The following USP8 variants were observed in gnomAD, a reference collection of about 807,000 sequenced individuals.
USP8 encodes ubiquitin specific peptidase 8, also known as ubiquitin carboxyl-terminal hydrolase 8.
A neutral mutation model predicts 130.0 loss-of-function variants in USP8; 27 were observed. The ratio of observed to expected loss-of-function variants is 0.21; its 90% CI spans 0.15 to 0.29. USP8 has a LOEUF of 0.29. USP8 is among the 10% of genes least tolerant of loss of function. The pLI is 1.00. For missense variants in USP8, 1,029 were observed against 1,312.2 expected (o/e 0.78, Z 3.33); for synonymous variants, 392 against 444.1 (o/e 0.88, Z 1.48).
At chr15:50,437,607 C>G (rs2050128479) in intron 1 of USP8, among the ~76,000 whole-genome samples, 1 of 152,200 alleles carries the variant, frequency 6.6e-6, no homozygotes, top group South Asian at 2.1e-4. Context: ...CCTACTGTTG[C>G]AAGCTAAGTC....
At chr15:50,484,394 A>G in intron 12 of USP8, 33 bp downstream of exon 12, 2 of 1,528,352 alleles carry the variant, frequency 1.3e-6, no homozygotes, top group Non-Finnish European at 1.8e-6. Context: ...AAACTGGAAA[A>G]AAAAGCCAAA....
In USP8 at chr15:50,499,963, A is replaced by G. The variant is rs1475904285; in HGVS notation, c.*875A>G. 6.6e-6 allele frequency: 1 copy of G among 152,160 alleles called. No individual in the cohort carries two copies. Among genetic ancestry groups the G allele is most frequent in the Admixed American group, 6.6e-5 (1 of 15,264 alleles). The allele number at this position is 152,160 out of a possible 1,614,324, so 9.4% of individuals were successfully genotyped here. A position where few individuals can be genotyped will look rare whatever the true frequency, so the allele number is the denominator to read the frequency against. On this transcript the variant is annotated 3_prime_UTR_variant, in exon 20 of 20. Transcript: ENST00000307179. ...GTAAAAATGCCGGGAGTCAGGCATG[A>G]TTGCAAAGTGAACTGCATTATAAAC... is the stretch of plus-strand genomic sequence containing the variant.
chr15:50,501,480 G>T lies in USP8; in HGVS notation c.*2392G>T, dbSNP rs775355168. On this transcript the variant is annotated 3_prime_UTR_variant, in exon 20 of 20. Transcript: ENST00000307179. ...CAGAGTGAGACCCTGTCTTAAAATTGTAAGTTCATTTACGTAAGATGGCTT... is the reference window on the plus strand; with the variant it reads ...CAGAGTGAGACCCTGTCTTAAAATTTTAAGTTCATTTACGTAAGATGGCTT... 6.6e-6 allele frequency: 1 copy of T among 151,178 alleles called. No homozygotes were observed. The highest frequency in any genetic ancestry group is 2.1e-4 in the South Asian group (1 of 4,766). The allele number at this position is 151,178 out of a possible 1,614,324, so 9.4% of individuals were successfully genotyped here. A position where few individuals can be genotyped will look rare whatever the true frequency, so the allele number is the denominator to read the frequency against.
chr15:50,458,890 A>G lies in USP8; in HGVS notation c.336-110A>G, dbSNP rs1440101613. ...GAATTGTGGTGGAGGGAGAAAGCAT[A>G]TAGCCATGAAATACCTCAAGGCAGG... On this transcript the variant is annotated intron_variant, in intron 4 of 19. Coordinates refer to ENST00000307179, the MANE Select transcript of USP8 (RefSeq NM_005154.5). 14 of 1,291,162 alleles carry G rather than the reference A, an allele frequency of 1.1e-5. No individual in the cohort carries two copies. In the East Asian group the frequency reaches 2.6e-4, roughly 24 times the overall value. The allele number at this position is 1,291,162 out of a possible 1,614,324, so 80.0% of individuals were successfully genotyped here.
intron 4 of USP8, among the ~76,000 whole-genome samples, chr15:50,456,457 C>T (rs1294907369): frequency 6.6e-6 from 1 of 151,676 alleles, no homozygotes; most frequent in Non-Finnish European, 1.5e-5. Flanking sequence ...CTTGTCATCC[C>T]AGCCACTCGA....
intron 10 of USP8, among the ~76,000 whole-genome samples, chr15:50,479,662 A>T (rs1399788938): frequency 6.6e-6 from 1 of 152,140 alleles, no homozygotes; most frequent in Non-Finnish European, 1.5e-5. Context: ...TTATTCTCAA[A>T]TACATGCAAA....
chr15:50,505,068 G>C lies in USP8; in HGVS notation c.*5980G>C, dbSNP rs1415934198. 1 of 152,126 alleles carries C rather than the reference G, an allele frequency of 6.6e-6. No homozygotes were observed. Among genetic ancestry groups the C allele is most frequent in the Non-Finnish European group, 1.5e-5 (1 of 68,032 alleles). 9.4% of individuals were successfully genotyped at this position (152,126 alleles called of 1,614,324 possible). On this transcript the variant is annotated 3_prime_UTR_variant, in exon 20 of 20. Coordinates refer to ENST00000307179, the MANE Select transcript of USP8 (RefSeq NM_005154.5). ...AGTGATGGAGAATACGTGTTAAGAG[G>C]CATGAAAAATTGAATGAGAATATTC...
At chr15:50,425,003 T>G (rs1295072097) in intron 1 of USP8, among the ~76,000 whole-genome samples, 1 of 152,108 alleles carries the variant, frequency 6.6e-6, no homozygotes, top group African/African-American at 2.4e-5. Flanking sequence ...GATTTTTTTT[T>G]TTTCCCCTAA....
chr15:50,436,213 G>A (rs999913913), intron 1 of USP8, among the ~76,000 whole-genome samples: 2 of 151,642 alleles, frequency 1.3e-5, no homozygotes, highest in South Asian at 4.2e-4. Context: ...CCACTGCCAT[G>A]TAGATCTTTG....
intron 1 of USP8, among the ~76,000 whole-genome samples, chr15:50,425,902 C>T (rs1033882306): frequency 6.6e-6 from 1 of 152,070 alleles, no homozygotes. Flanking sequence ...GTGGGCGGAT[C>T]ACTGAGGTCA....
chr15:50,426,149 A>C (rs537076342), intron 1 of USP8, among the ~76,000 whole-genome samples: 13 of 152,348 alleles, frequency 8.5e-5, no homozygotes, highest in African/African-American at 3.1e-4. Context: ...AAGCGTGGAC[A>C]TAATGGAAAA....
intron 4 of USP8, chr15:50,458,644 A>G (rs1484627268): frequency 2.1e-5 from 4 of 186,788 alleles, no homozygotes; most frequent in South Asian, 1.0e-4. Flanking sequence ...AATTATCAAC[A>G]TAAGTGTGAT....
intron 5 of USP8, among the ~76,000 whole-genome samples, chr15:50,460,674 T>C (rs2050963008): frequency 6.6e-6 from 1 of 152,140 alleles, no homozygotes; most frequent in African/African-American, 2.4e-5. Context: ...ATCTCTTTGC[T>C]AAAAGCCATC....
intron 12 of USP8, among the ~76,000 whole-genome samples, chr15:50,485,695 G>A (rs954614599): frequency 1.3e-5 from 2 of 150,050 alleles, no homozygotes; most frequent in African/African-American, 2.5e-5. Flanking sequence ...GCAACACTGA[G>A]TCTACTCTGT....
intron 4 of USP8, among the ~76,000 whole-genome samples, chr15:50,454,549 G>T (rs2050729348): frequency 6.7e-6 from 1 of 150,246 alleles, no homozygotes; most frequent in South Asian, 2.1e-4. Flanking sequence ...TCCACCTCCT[G>T]GGTTCAAGCA....
chr15:50,425,671 T>A (rs1424451571), intron 1 of USP8, among the ~76,000 whole-genome samples: 1 of 152,068 alleles, frequency 6.6e-6, no homozygotes, highest in African/African-American at 2.4e-5. Flanking sequence ...AAAAAAAAAA[T>A]ACACCTCTCA....
At position 50,500,858 on chromosome 15, in the gene USP8, A is replaced by AAACTT; in HGVS notation, c.*1772_*1776dup. The AAACTT allele has an allele frequency of 6.4e-7, 1 of 1,561,856 alleles. No individual in the cohort carries two copies. The highest frequency in any genetic ancestry group is 1.2e-5 in the South Asian group (1 of 84,856). On this transcript the variant is annotated 3_prime_UTR_variant, in exon 20 of 20. Coordinates refer to ENST00000307179, the MANE Select transcript of USP8 (RefSeq NM_005154.5). ...TGGTTCTATGGGAGAAAGGAATGTC[A>AAACTT]AACTTAGTATTCACATATGAACACT...
Position 50,491,509 on chromosome 15 carries a change from CTGTT to C in USP8, c.2234+988_2234+991del, listed in dbSNP as rs540068459. Among the ~76,000 whole-genome samples, 67 of 152,160 alleles carry C rather than the reference CTGTT, an allele frequency of 4.4e-4. 1 individual carries two copies. The highest frequency in any genetic ancestry group is 4.1e-3 in the Admixed American group (63 of 15,276). On this transcript the variant is annotated intron_variant, in intron 14 of 19. Transcript: ENST00000307179. ...TTGATAATGTTTTAAGGACTGTATG[CTGTT>C]TGTGTATTTTTTTATATATTGAACA...
chr15:50,427,605 T>C (rs1260094145), intron 1 of USP8, among the ~76,000 whole-genome samples: 1 of 146,278 alleles, frequency 6.8e-6, no homozygotes, highest in Non-Finnish European at 1.5e-5. Flanking sequence ...CTCTGTCTTC[T>C]AGGCTGGAGT....
Sources: gnomAD v4.1 joint callset for allele counts (sites outside exome capture counted in the v4.1 genomes callset) on GRCh38, gnomAD v4.1.1 for gene constraint, MANE v1.5 for transcripts, NCBI Gene and HGNC (gene_info 2026-07-23, HGNC 2026-07-21) for gene names.